KCNK2: variants seen among roughly 807,000 people sequenced by gnomAD.
KCNK2 encodes the protein potassium two pore domain channel subfamily K member 2.
In KCNK2, 21 loss-of-function variants were observed where a neutral mutation model predicts 40.5. The observed-to-expected ratio is 0.52, with a 90% confidence interval of 0.37 to 0.75. KCNK2 has a LOEUF of 0.75. KCNK2 is among the 30% of genes least tolerant of loss of function. The pLI is 0.00. For synonymous variants in KCNK2, 191 were observed against 202.2 expected (o/e 0.94, Z 0.47); for missense variants, 399 against 531.6 (o/e 0.75, Z 2.45).
intron 5 of KCNK2, among the ~76,000 whole-genome samples, chr1:215,184,986 T>A (rs1664374946): frequency 6.6e-6 from 1 of 152,306 alleles, no homozygotes; most frequent in East Asian, 1.9e-4. Flanking sequence ...TTCTTTATCA[T>A]TTTGTAGAAG....
chr1:215,226,882 A>G (rs1023929295), intron 6 of KCNK2, among the ~76,000 whole-genome samples: 8 of 152,194 alleles, frequency 5.3e-5, no homozygotes, highest in African/African-American at 1.9e-4. Flanking sequence ...CTCTGCAATG[A>G]CTAAAAAGTT....
intron 2 of KCNK2, among the ~76,000 whole-genome samples, chr1:215,115,220 A>G (rs778738942): frequency 1.1e-4 from 16 of 152,056 alleles, no homozygotes; most frequent in Non-Finnish European, 1.9e-4. Context: ...TTACCTTTAT[A>G]TAGGTACAAA....
At position 215,044,918 on chromosome 1, in the gene KCNK2, C is replaced by G. The variant is rs373930907; in HGVS notation, c.34+38963C>G. ...GGGCACAGTGGCACACGCCTGTAAT[C>G]CCAGCACTTTGGGAGGCCTAGGCGG... On this transcript the variant is annotated intron_variant, in intron 1 of 6. Transcript: ENST00000391895. Among the ~76,000 whole-genome samples the G allele has an allele frequency of 3.9e-5, 6 of 152,176 alleles. No individual in the cohort carries two copies. The East Asian group carries it at 1.2e-3, about 29-fold the overall frequency.
At chr1:215,211,530 C>CTATG (rs1417826267) in intron 6 of KCNK2, among the ~76,000 whole-genome samples, 3 of 152,142 alleles carry the variant, frequency 2.0e-5, no homozygotes, top group Non-Finnish European at 2.9e-5. Context: ...TGCTAACTTA[C>CTATG]TATGTGCCAT....
At chr1:215,096,420 A>C (rs1294513369) in intron 2 of KCNK2, among the ~76,000 whole-genome samples, 1 of 151,974 alleles carries the variant, frequency 6.6e-6, no homozygotes, top group Admixed American at 6.6e-5. Flanking sequence ...TGATCCAAGC[A>C]TACAGTGCAT....
At chr1:215,222,266 T>TAAGATAC (rs1666211698) in intron 6 of KCNK2, among the ~76,000 whole-genome samples, 1 of 151,780 alleles carries the variant, frequency 6.6e-6, no homozygotes, top group African/African-American at 2.4e-5. Flanking sequence ...TACAATGCAA[T>TAAGATAC]CGTGTAATTT....
intron 1 of KCNK2, among the ~76,000 whole-genome samples, chr1:215,073,208 C>T (rs1470400180): frequency 1.3e-5 from 2 of 152,094 alleles, no homozygotes; most frequent in Non-Finnish European, 2.9e-5. Flanking sequence ...CTTAGAGCTG[C>T]CACAGAGAGC....
chr1:215,064,366 T>C (rs1253444491), intron 1 of KCNK2, among the ~76,000 whole-genome samples: 2 of 152,088 alleles, frequency 1.3e-5, no homozygotes, highest in Admixed American at 6.6e-5. Context: ...TTTGTGTGTG[T>C]GTGTAATATG....
chr1:215,127,393 A>C (rs1362036823), intron 3 of KCNK2, among the ~76,000 whole-genome samples: 1 of 152,202 alleles, frequency 6.6e-6, no homozygotes, highest in Non-Finnish European at 1.5e-5. Flanking sequence ...ATCCTTTCCA[A>C]AGTTATACCC....
chr1:215,072,894 A>G (rs1658804882), intron 1 of KCNK2, among the ~76,000 whole-genome samples: 1 of 152,218 alleles, frequency 6.6e-6, no homozygotes, highest in Admixed American at 6.5e-5. Flanking sequence ...AATAAATAAT[A>G]GAAAAGATAT....
intron 2 of KCNK2, among the ~76,000 whole-genome samples, chr1:215,115,951 T>C (rs1181758609): frequency 8.3e-6 from 1 of 119,842 alleles, no homozygotes; most frequent in Non-Finnish European, 1.8e-5. Flanking sequence ...AGGGTCTTCA[T>C]CATGTTTTTT....
chr1:215,195,147 A>T, intron 6 of KCNK2, 55 bp downstream of exon 6: 1 of 1,240,666 alleles, frequency 8.1e-7, no homozygotes, highest in Non-Finnish European at 1.1e-6. Context: ...AATAAAGGTT[A>T]TTTTAAATTA....
intron 3 of KCNK2, among the ~76,000 whole-genome samples, chr1:215,159,172 T>A (rs150099290): frequency 0.01 from 1,534 of 152,288 alleles, 32 homozygotes; most frequent in African/African-American, 0.035. Flanking sequence ...CATTAGTGGA[T>A]AAGAGCAGAT....
At chr1:215,090,334 G>A (rs1425476387) in intron 2 of KCNK2, among the ~76,000 whole-genome samples, 1 of 152,092 alleles carries the variant, frequency 6.6e-6, no homozygotes, top group East Asian at 1.9e-4. Context: ...AGTGCATGGT[G>A]GAAGAACTGT....
At chr1:215,160,822 G>A (rs1488242954) in intron 3 of KCNK2, among the ~76,000 whole-genome samples, 6 of 151,982 alleles carry the variant, frequency 3.9e-5, no homozygotes, top group Admixed American at 2.0e-4. Context: ...ATAATTTGTA[G>A]ATCTAGTTCA....
intron 3 of KCNK2, among the ~76,000 whole-genome samples, chr1:215,153,564 TTA>T (rs67611651): frequency 0.65 from 95,447 of 146,026 alleles, 30,600 homozygotes; most frequent in Non-Finnish European, 0.69. Flanking sequence ...TATAGCGTTG[TTA>T]TATATATATA....
rs1182050120 is a variant in KCNK2, at chr1:215,093,837, A to G, written c.357+7159A>G. On this transcript the variant is annotated intron_variant, in intron 2 of 6. Coordinates refer to ENST00000444842, the MANE Select transcript of KCNK2 (RefSeq NM_001017425.3). ...ATATATTATATATTATATATAAAAT[A>G]TATTATATATTATATATTATATATA... Among the ~76,000 whole-genome samples, 217 of 52,862 alleles carry G rather than the reference A, an allele frequency of 4.1e-3. 7 individuals carry two copies. In the Admixed American group the frequency reaches 0.066, roughly 16 times the overall value. The allele number at this position is 52,862 out of a possible 152,430, so 34.7% of individuals were successfully genotyped here.
chr1:215,009,056 C>G (rs1656285832), intron 1 of KCNK2, among the ~76,000 whole-genome samples: 1 of 152,026 alleles, frequency 6.6e-6, no homozygotes, highest in African/African-American at 2.4e-5. Flanking sequence ...TTAGAAAAGC[C>G]ACTGTAGCCA....
chr1:215,197,603 C>G (rs914104622), intron 6 of KCNK2, among the ~76,000 whole-genome samples: 2 of 152,174 alleles, frequency 1.3e-5, no homozygotes, highest in African/African-American at 4.8e-5. Context: ...TGCAGTCACA[C>G]TGGGGCTTAG....
Sources: allele counts gnomAD v4.1 joint callset (sites outside exome capture counted in the v4.1 genomes callset), GRCh38; gene constraint gnomAD v4.1.1; transcripts MANE v1.5; gene names NCBI Gene and HGNC (gene_info 2026-07-23, HGNC 2026-07-21).